Variants in SLC26A2 observed in about 807,000 individuals in gnomAD.
SLC26A2 encodes the protein solute carrier family 26 member 2, also known as sulfate transporter.
Under a neutral mutation model 41.1 loss-of-function variants are expected in SLC26A2, and 36 were observed. The ratio of observed to expected loss-of-function variants is 0.88; its 90% confidence interval spans 0.67 to 1.16. The LOEUF is 1.16. Ranked by LOEUF, SLC26A2 falls within the 50% of genes most tolerant of loss-of-function variation. The pLI, the probability that SLC26A2 is intolerant of heterozygous loss-of-function variation, is 0.00. For missense variants in SLC26A2, 796 were observed against 869.6 expected (o/e 0.92, Z 1.07); for synonymous variants, 291 against 311.6 (o/e 0.93, Z 0.70).
intron 2 of SLC26A2, among the ~76,000 whole-genome samples, chr5:149,979,322 T>C (rs1321540685): frequency 6.6e-6 from 1 of 152,106 alleles, no homozygotes; most frequent in Non-Finnish European, 1.5e-5. Context: ...TCACTTTAGT[T>C]GGTGCTCAGA....
intron 1 of SLC26A2, among the ~76,000 whole-genome samples, chr5:149,970,734 AGGATGGTAGGACAATAGTGAGAAG>A (rs1195954071): frequency 1.3e-5 from 2 of 152,154 alleles, no homozygotes; most frequent in African/African-American, 4.8e-5. Flanking sequence ...CAGGTGAGAG[AGGATGGTAGGACAATAGTGAGAAG>A]GGATTGGATT....
chr5:149,977,096 C>A (rs17110732), intron 1 of SLC26A2, among the ~76,000 whole-genome samples: 5,662 of 152,278 alleles, frequency 0.037, 354 homozygotes, highest in African/African-American at 0.13. Flanking sequence ...TACCCTACAA[C>A]CTACTTTTCT....
In SLC26A2 at chr5:149,980,428, C is replaced by T. The variant is rs104893915; in HGVS notation, c.835C>T (p.Arg279Trp). The change falls in exon 3 of 3, where the codon CGG (arginine) becomes TGG (tryptophan). Residue 279 changes from arginine to tryptophan, a missense_variant. Coordinates refer to ENST00000286298, the MANE Select transcript of SLC26A2 (RefSeq NM_000112.4). ...AKYLLGLNLP[R>W]TNGVGSLITT... ...GTATCTTCTTGGGCTCAACCTTCCT[C>T]GGACTAATGGTGTGGGCTCACTCAT... 2,292 of 1,614,060 alleles carry T rather than the reference C, an allele frequency of 1.4e-3. 5 individuals are homozygous for T. The highest frequency in any genetic ancestry group is 1.7e-3 in the Non-Finnish European group (2,031 of 1,180,000).
intron 1 of SLC26A2, among the ~76,000 whole-genome samples, chr5:149,965,023 T>C (rs1332337095): frequency 2.6e-5 from 4 of 152,242 alleles, no homozygotes; most frequent in Non-Finnish European, 5.9e-5. Context: ...GTTAACATCT[T>C]ATGAACTGTA....
chr5:149,979,992 A>G (rs1188472981), intron 2 of SLC26A2, among the ~76,000 whole-genome samples: 1 of 110,630 alleles, frequency 9.0e-6, no homozygotes, highest in Admixed American at 1.2e-4. Flanking sequence ...GGGAAGAATG[A>G]AAAAAAAAAG....
intron 1 of SLC26A2, among the ~76,000 whole-genome samples, chr5:149,969,586 C>T (rs1754866003): frequency 1.3e-5 from 2 of 152,178 alleles, no homozygotes; most frequent in South Asian, 2.1e-4. Flanking sequence ...CTTTAAGCAC[C>T]ACCTCTTACC....
chr5:149,985,858 C>T lies in SLC26A2; in HGVS notation c.*4045C>T, dbSNP rs1018088591. On this transcript the variant is annotated 3_prime_UTR_variant, in exon 3 of 3. Coordinates refer to ENST00000286298, the MANE Select transcript of SLC26A2 (RefSeq NM_000112.4). ...GTAGATGGGCTGTGTAGCAACTCTCCCAGGGAACACACTAGGGTACTTAGG... is the reference window on the plus strand; with the variant it reads ...GTAGATGGGCTGTGTAGCAACTCTCTCAGGGAACACACTAGGGTACTTAGG... 6.6e-6 allele frequency: 1 copy of T among 152,320 alleles called. No homozygotes were observed. Among genetic ancestry groups the T allele is most frequent in the South Asian group, 2.1e-4 (1 of 4,826 alleles). The allele number at this position is 152,320 out of a possible 1,614,324, so 9.4% of individuals were successfully genotyped here.
chr5:149,980,949 T>C lies in SLC26A2; in HGVS notation c.1356T>C (p.His452=). ...TGGTTAAAGAATCAACAGGCTGCCA[T>C]ACTCAGCTTTCTGGTGTGGTAACAG... The part of the protein sequence containing the change: ...KTLVKESTGC[H]TQLSGVVTAL... The change falls in exon 3 of 3, where the codon CAT becomes CAC. Residue 452 remains histidine (H), a synonymous_variant. Transcript: ENST00000286298. The C allele has an allele frequency of 6.2e-7, 1 of 1,614,208 alleles. No individual in the cohort carries two copies. The highest frequency in any genetic ancestry group is 8.5e-7 in the Non-Finnish European group (1 of 1,180,024).
intron 1 of SLC26A2, among the ~76,000 whole-genome samples, chr5:149,968,515 A>G (rs1754844516): frequency 6.6e-6 from 1 of 151,296 alleles, no homozygotes; most frequent in Non-Finnish European, 1.5e-5. Context: ...GGTTCACGCC[A>G]TTCTCTTGCC....
Position 149,977,758 on chromosome 5 carries a change from A to G in SLC26A2, c.106A>G (p.Ser36Gly). 2 of 1,613,952 alleles carry G rather than the reference A, an allele frequency of 1.2e-6. No homozygotes were observed. Among genetic ancestry groups the G allele is most frequent in the South Asian group, 2.2e-5 (2 of 91,078 alleles). Residue 36 changes from serine to glycine, a missense_variant, in exon 2 of 3, where the codon AGT (serine) becomes GGT (glycine). Ser to Gly is a moderately conservative substitution (Grantham distance 56). Transcript: ENST00000286298. ...CCATCTGGAACTTCAAAGGGAATCAAGTACTGACTTCAAGCAATTTGAGAC... is the reference window on the plus strand; with the variant it reads ...CCATCTGGAACTTCAAAGGGAATCAGGTACTGACTTCAAGCAATTTGAGAC... The part of the protein sequence containing the change: ...GIHLELQRES[S>G]TDFKQFETND...
Position 149,982,004 on chromosome 5 carries a change from AAAG to A in SLC26A2, c.*197_*199del. On this transcript the variant is annotated 3_prime_UTR_variant, in exon 3 of 3. Transcript: ENST00000286298. ...AGAGCTTGTAGCTGGACAGAGTCAA[AAAG>A]AAGAAAATACGGTTTCAGGCTTTCT... 1.7e-6 allele frequency: 1 copy of A among 587,126 alleles called. No individual in the cohort carries two copies. Among genetic ancestry groups the A allele is most frequent in the Non-Finnish European group, 3.0e-6 (1 of 333,556 alleles). 36.4% of individuals were successfully genotyped at this position (587,126 alleles called of 1,614,324 possible).
intron 1 of SLC26A2, among the ~76,000 whole-genome samples, 175 bp from the exon 2 acceptor site, chr5:149,977,452 CT>C (rs988361371): frequency 1.6e-4 from 25 of 151,640 alleles, no homozygotes; most frequent in African/African-American, 5.1e-4. Context: ...TGGTTCTGGT[CT>C]TTTTTTTTCC....
chr5:149,976,322 T>A (rs1036390320), intron 1 of SLC26A2, among the ~76,000 whole-genome samples: 15 of 152,292 alleles, frequency 9.8e-5, no homozygotes, highest in Non-Finnish European at 1.9e-4. Flanking sequence ...GCTAGAGAGA[T>A]TCCTACTTCA....
chr5:149,968,743 G>T (rs535616851), intron 1 of SLC26A2, among the ~76,000 whole-genome samples: 152 of 137,544 alleles, frequency 1.1e-3, no homozygotes, highest in African/African-American at 3.9e-3. Flanking sequence ...TTTTGAGACG[G>T]ACTCTCGGTC....
At chr5:149,974,038 A>G (rs1250588429) in intron 1 of SLC26A2, among the ~76,000 whole-genome samples, 1 of 151,996 alleles carries the variant, frequency 6.6e-6, no homozygotes, top group Admixed American at 6.6e-5. Context: ...AATCCTCACT[A>G]CTCAGGAGGC....
intron 1 of SLC26A2, among the ~76,000 whole-genome samples, chr5:149,972,986 C>T (rs562678153): frequency 1.3e-5 from 2 of 151,856 alleles, no homozygotes; most frequent in South Asian, 4.2e-4. Context: ...TTAATCAGAG[C>T]CTATGTTCAA....
chr5:149,972,620 C>G (rs1056621373), intron 1 of SLC26A2, among the ~76,000 whole-genome samples: 1 of 152,182 alleles, frequency 6.6e-6, no homozygotes, highest in Non-Finnish European at 1.5e-5. Context: ...CATTTATAAG[C>G]TGAATAAATT....
intron 1 of SLC26A2, among the ~76,000 whole-genome samples, chr5:149,965,583 A>G (rs1232042303): frequency 6.8e-6 from 1 of 147,892 alleles, no homozygotes; most frequent in Non-Finnish European, 1.5e-5. Flanking sequence ...ATTTTTAATT[A>G]TTTTTTTTTC....
intron 1 of SLC26A2, among the ~76,000 whole-genome samples, chr5:149,967,929 T>G (rs1374435516): frequency 6.6e-6 from 1 of 151,812 alleles, no homozygotes. Context: ...TTGCCTTTTC[T>G]AGATATTTTG....
Sources: allele counts gnomAD v4.1 joint callset (sites outside exome capture counted in the v4.1 genomes callset), GRCh38; gene constraint gnomAD v4.1.1; transcripts MANE v1.5; gene names NCBI Gene and HGNC (gene_info 2026-07-23, HGNC 2026-07-21).